Variants in P2RY14 observed in about 807,000 individuals in gnomAD.
The protein encoded by P2RY14 is purinergic receptor P2Y14.
P2RY14 carries 2 observed loss-of-function variants against 0.9 expected under a neutral mutation model. That is an observed-to-expected ratio of 2.16 (90% CI 0.88 to 6.79). The LOEUF is 6.79. Ranked by LOEUF, P2RY14 falls within the 30% of genes most tolerant of loss-of-function variation. P2RY14 has a pLI of 0.05. For synonymous variants in P2RY14, 158 were observed against 147.2 expected (o/e 1.07, Z -0.53); for missense variants, 378 against 400.1 (o/e 0.94, Z 0.47).
At chr3:151,219,869 G>T (rs1469999589) in intron 1 of P2RY14, among the ~76,000 whole-genome samples, 3 of 138,354 alleles carry the variant, frequency 2.2e-5, no homozygotes, top group African/African-American at 8.4e-5. Context: ...GCATGAAGTG[G>T]TTTTGGTTAT....
intron 1 of P2RY14, among the ~76,000 whole-genome samples, chr3:151,262,966 G>A (rs867915424): frequency 6.6e-5 from 10 of 152,250 alleles, no homozygotes; most frequent in East Asian, 1.9e-4. Context: ...AGGGGAAGCC[G>A]TAGTTCTCTA....
intron 1 of P2RY14, among the ~76,000 whole-genome samples, chr3:151,250,874 G>T (rs73023010): frequency 6.6e-6 from 1 of 152,056 alleles, no homozygotes; most frequent in Non-Finnish European, 1.5e-5. Context: ...ACCATCTTAC[G>T]TTCCCACCAA....
Position 151,218,008 on chromosome 3 carries a change from A to T in P2RY14, c.-25+1527T>A, listed in dbSNP as rs550104335. Among the ~76,000 whole-genome samples the T allele has an allele frequency of 1.7e-4, 26 of 152,334 alleles. No individual in the cohort carries two copies. In the South Asian group the frequency reaches 5.4e-3, roughly 32 times the overall value. On this transcript the variant is annotated intron_variant, in intron 2 of 2. Coordinates refer to ENST00000309170, the MANE Select transcript of P2RY14 (RefSeq NM_014879.4). ...AATCAGGACAAAATCATTAAAAAAGACATGCATCATTTGGACCTCGTGATA... is the reference window on the plus strand; with the variant it reads ...AATCAGGACAAAATCATTAAAAAAGTCATGCATCATTTGGACCTCGTGATA...
chr3:151,235,846 G>T (rs150915569), intron 1 of P2RY14, among the ~76,000 whole-genome samples: 50 of 152,144 alleles, frequency 3.3e-4, no homozygotes, highest in Non-Finnish European at 6.2e-4. Flanking sequence ...TCTCAGCAAG[G>T]CCTTTCCTGT....
intron 1 of P2RY14, among the ~76,000 whole-genome samples, chr3:151,248,089 T>C (rs894529925): frequency 1.3e-5 from 2 of 150,068 alleles, no homozygotes; most frequent in Non-Finnish European, 3.0e-5. Flanking sequence ...ATAGAAAAAC[T>C]ACACAATAAT....
At chr3:151,258,179 T>C (rs1298745207) in intron 1 of P2RY14, among the ~76,000 whole-genome samples, 1 of 152,200 alleles carries the variant, frequency 6.6e-6, no homozygotes, top group African/African-American at 2.4e-5. Flanking sequence ...CGATATGGTA[T>C]GAGACCACTG....
At chr3:151,244,881 TAAAG>T (rs1735043280) in intron 1 of P2RY14, among the ~76,000 whole-genome samples, 2 of 150,576 alleles carry the variant, frequency 1.3e-5, no homozygotes, top group African/African-American at 2.4e-5. Flanking sequence ...GCAAGACTAA[TAAAG>T]AAAAAAAGAG....
rs748299209 is a variant in P2RY14, at chr3:151,214,206, G to T, written c.111C>A (p.Ile37=). 2 of 1,613,876 alleles carry T rather than the reference G, an allele frequency of 1.2e-6. No individual in the cohort carries two copies. Among genetic ancestry groups the T allele is most frequent in the South Asian group, 2.2e-5 (2 of 91,068 alleles). The change falls in exon 3 of 3, where the codon ATC becomes ATA. Residue 37 remains isoleucine, a synonymous_variant. Coordinates refer to ENST00000309170, the MANE Select transcript of P2RY14 (RefSeq NM_014879.4). ...VLYCMVFIAG[I]LLNGVSGWIF... is the part of the protein sequence containing the mutation. ...TCCATCCTGACACTCCATTGAGTAG[G>T]ATTCCTGCAATGAAGACCATACAGT...
At chr3:151,273,022 T>G (rs1011880663) in intron 1 of P2RY14, among the ~76,000 whole-genome samples, 4 of 152,070 alleles carry the variant, frequency 2.6e-5, no homozygotes, top group African/African-American at 4.8e-5. Context: ...GCATTTCAGA[T>G]TAGGGATTCT....
chr3:151,213,527 G>A lies in P2RY14; in HGVS notation c.790C>T (p.His264Tyr). The change falls in exon 3 of 3, where the codon CAT becomes TAT. Residue 264 changes from histidine to tyrosine, a missense_variant. His to Tyr is a moderately conservative substitution (Grantham distance 83). Coordinates refer to ENST00000309170, the MANE Select transcript of P2RY14 (RefSeq NM_014879.4). ...ATTTCTTTTGACTGGCAGCTGTAAT[G>A]AGCTTCGGTCTGACTCTTTGTGTAG... ...IPYTKSQTEA[H>Y]YSCQSKEILR... 1.2e-6 allele frequency: 2 copies of A among 1,614,152 alleles called. No homozygotes were observed. Among genetic ancestry groups the A allele is most frequent in the South Asian group, 1.1e-5 (1 of 91,072 alleles).
In P2RY14 at chr3:151,215,514, A is replaced by T. The variant is rs73021142; in HGVS notation, c.-24-1174T>A. On this transcript the variant is annotated intron_variant, in intron 2 of 2. Coordinates refer to ENST00000309170, the MANE Select transcript of P2RY14 (RefSeq NM_014879.4). ...GCTACTAGGAAATTTTAAATTACAT[A>T]TGTGTTTCACATTATGGTTTTATTG... Among the ~76,000 whole-genome samples, 1,296 of 152,328 alleles carry T rather than the reference A, an allele frequency of 8.5e-3. 26 individuals carry two copies. Among genetic ancestry groups the T allele is most frequent in the African/African-American group, 0.03 (1,228 of 41,556 alleles).
At chr3:151,262,681 T>G (rs530364789) in intron 1 of P2RY14, among the ~76,000 whole-genome samples, 29 of 152,298 alleles carry the variant, frequency 1.9e-4, no homozygotes, top group Non-Finnish European at 3.2e-4. Context: ...ACCGACAGAT[T>G]TATTCTTGGG....
chr3:151,237,614 G>T (rs1733183120), intron 1 of P2RY14, among the ~76,000 whole-genome samples: 1 of 152,034 alleles, frequency 6.6e-6, no homozygotes, highest in Admixed American at 6.6e-5. Context: ...GCCTCCCAAA[G>T]TGCTGGGATT....
At chr3:151,246,043 C>T (rs1436693071) in intron 1 of P2RY14, among the ~76,000 whole-genome samples, 1 of 151,112 alleles carries the variant, frequency 6.6e-6, no homozygotes, top group Admixed American at 6.6e-5. Flanking sequence ...GAATAAAATA[C>T]CTAGGAATCC....
chr3:151,242,716 C>G (rs1364760130), intron 1 of P2RY14, among the ~76,000 whole-genome samples: 2 of 152,214 alleles, frequency 1.3e-5, no homozygotes. Context: ...CGCCTCTCCT[C>G]CTCCAAAGGA....
chr3:151,256,850 T>TG (rs1491161612), intron 1 of P2RY14, among the ~76,000 whole-genome samples: 1 of 142,682 alleles, frequency 7.0e-6, no homozygotes, highest in Non-Finnish European at 1.6e-5. Flanking sequence ...ATGACAGAGG[T>TG]TTTTTTTTTG....
At chr3:151,274,715 T>A (rs1038396542) in intron 1 of P2RY14, among the ~76,000 whole-genome samples, 1 of 152,206 alleles carries the variant, frequency 6.6e-6, no homozygotes, top group African/African-American at 2.4e-5. Context: ...TGTAATCTTA[T>A]AAGTTATAAT....
At chr3:151,244,988 C>T (rs1045034143) in intron 1 of P2RY14, among the ~76,000 whole-genome samples, 14 of 146,030 alleles carry the variant, frequency 9.6e-5, no homozygotes, top group Non-Finnish European at 1.8e-4. Flanking sequence ...ATACTACAAA[C>T]ACCTCTACGC....
At chr3:151,261,685 GTGTTT>G (rs10627724) in intron 1 of P2RY14, among the ~76,000 whole-genome samples, 218 of 148,754 alleles carry the variant, frequency 1.5e-3, no homozygotes, top group East Asian at 4.6e-3. Context: ...GTGGTACGTG[GTGTTT>G]TGTTTTGTTT....
Sources: allele counts gnomAD v4.1 joint callset (sites outside exome capture counted in the v4.1 genomes callset), GRCh38; gene constraint gnomAD v4.1.1; transcripts MANE v1.5; gene names NCBI Gene and HGNC (gene_info 2026-07-23, HGNC 2026-07-21).